The following TMEM38B variants were observed in gnomAD, a reference collection of about 807,000 sequenced individuals.
The protein encoded by TMEM38B is transmembrane protein 38B, also known as trimeric intracellular cation channel type B.
A neutral mutation model predicts 28.7 loss-of-function variants in TMEM38B; 24 were observed. The observed-to-expected ratio is 0.84, with a 90% CI of 0.61 to 1.18. The LOEUF is 1.18. Ranked by LOEUF, TMEM38B falls within the 50% of genes most tolerant of loss-of-function variation. TMEM38B has a pLI of 0.00. For synonymous variants in TMEM38B, 131 were observed against 127.7 expected, an observed-to-expected ratio of 1.03 and a Z score of -0.17; for missense variants, 380 against 350.9, an observed-to-expected ratio of 1.08 and a Z score of -0.66.
intron 1 of TMEM38B, among the ~76,000 whole-genome samples, chr9:105,695,326 T>G (rs1005003522): frequency 1.3e-5 from 2 of 152,212 alleles, no homozygotes; most frequent in African/African-American, 4.8e-5. Flanking sequence ...AAAAGCCTCC[T>G]GTAGCCAGAC....
At chr9:105,762,512 G>GT (rs1257153888) in intron 5 of TMEM38B, among the ~76,000 whole-genome samples, 1 of 147,902 alleles carries the variant, frequency 6.8e-6, no homozygotes, top group Non-Finnish European at 1.5e-5. Flanking sequence ...GCGGTGTTTG[G>GT]TTTTTTGTCC....
chr9:105,774,117 TTTC>T lies in TMEM38B; in HGVS notation c.*40_*42del. ...GAGCTCTACAAGGCCAAAAATTTTTTTTCTTATCTACCTGTTATATTGTGCTAA... is the reference window on the plus strand; with the variant it reads ...GAGCTCTACAAGGCCAAAAATTTTTTTTATCTACCTGTTATATTGTGCTAA... On this transcript the variant is annotated 3_prime_UTR_variant, in exon 6 of 6. Transcript: ENST00000374692. 1 of 1,570,574 alleles carries T rather than the reference TTTC, an allele frequency of 6.4e-7. No homozygotes were observed. Among genetic ancestry groups the T allele is most frequent in the East Asian group, 2.3e-5 (1 of 44,256 alleles).
Position 105,764,931 on chromosome 9 carries a change from A to G in TMEM38B, c.661-8934A>G, listed in dbSNP as rs190397325. ...AGACCCCTCAGAAATAACGCCGCAT[A>G]TGTACAACTGTCTGATCTTTGACAA... On this transcript the variant is annotated intron_variant, in intron 5 of 5. Transcript: ENST00000374692. 3.5e-4 allele frequency among the ~76,000 whole-genome samples: 54 copies of G among 152,320 alleles called. No homozygotes were observed. The East Asian group carries it at 5.8e-3, about 16-fold the overall frequency.
At position 105,694,739 on chromosome 9, in the gene TMEM38B, C is replaced by G. The variant is rs11542697; in HGVS notation, c.79C>G (p.Leu27Val). 1.6e-5 allele frequency: 26 copies of G among 1,611,422 alleles called. No individual in the cohort carries two copies. Among genetic ancestry groups the G allele is most frequent in the Non-Finnish European group, 2.0e-5 (23 of 1,178,678 alleles). ...MFPFFDIAHY[L>V]VSVMAVKRQP... is the part of the protein sequence containing the mutation. ...TCCCTTTTTTGACATCGCGCACTAT[C>G]TAGTGTCAGTGATGGCGGTGAAACG... The change falls in exon 1 of 6, where the codon CTA becomes GTA. Residue 27 changes from leucine (L) to valine (V), a missense_variant. Transcript: ENST00000374692.
rs1826718070 is a variant in TMEM38B, at chr9:105,776,293, T to C, written c.*2213T>C. 6.6e-6 allele frequency: 1 copy of C among 152,066 alleles called. No individual in the cohort carries two copies. Among genetic ancestry groups the C allele is most frequent in the Admixed American group, 6.6e-5 (1 of 15,250 alleles). 9.4% of individuals were successfully genotyped at this position (152,066 alleles called of 1,614,324 possible). ...CATGGCCAAATGAATATCAAACTGG[T>C]TTATCAGATTAGTCACTCTTCCTTA... On this transcript the variant is annotated 3_prime_UTR_variant, in exon 6 of 6. Transcript: ENST00000374692.
rs532684636 is a variant in TMEM38B at position 105,758,088 on chromosome 9, G to A, written c.660+9898G>A. The A allele has an allele frequency of 1.8e-5, 7 of 391,410 alleles. No homozygotes were observed. In the East Asian group the frequency reaches 2.3e-4, roughly 13 times the overall value. 24.2% of individuals were successfully genotyped at this position (391,410 alleles called of 1,614,324 possible). On this transcript the variant is annotated intron_variant, in intron 5 of 5. Coordinates refer to ENST00000374692, the MANE Select transcript of TMEM38B (RefSeq NM_018112.3). ...GCGGCAGGGCCAGTGGTTGTGCTGA[G>A]ACTCGCCACTGCCCAGGCCGCTGGG...
rs540997711 is a variant in TMEM38B, at chr9:105,744,178, A to G, written c.543-3895A>G. On this transcript the variant is annotated intron_variant, in intron 4 of 5. Transcript: ENST00000374692. ...TTCGTATGTAAAATATAATTTATAT[A>G]TAAAATCATAAATTAACAAGAAAAA... Among the ~76,000 whole-genome samples the G allele has an allele frequency of 9.2e-5, 14 of 152,204 alleles. No individual in the cohort carries two copies. In the East Asian group the frequency reaches 1.9e-3, roughly 21 times the overall value.
At position 105,707,735 on chromosome 9, in the gene TMEM38B, A is replaced by G. The variant is rs547408301; in HGVS notation, c.269+1982A>G. ...AATTGAGGCATAGGGAAATGCTGCT[A>G]TAACTTTCTTGTCTAGTAAGTGGTT... On this transcript the variant is annotated intron_variant, in intron 2 of 5. Coordinates refer to ENST00000374692, the MANE Select transcript of TMEM38B (RefSeq NM_018112.3). Among the ~76,000 whole-genome samples, 18 of 152,334 alleles carry G rather than the reference A, an allele frequency of 1.2e-4. 1 individual carries two copies. Among genetic ancestry groups the G allele is most frequent in the African/African-American group, 2.9e-4 (12 of 41,594 alleles).
At chr9:105,756,867 G>A (rs989842037) in intron 5 of TMEM38B, among the ~76,000 whole-genome samples, 1 of 151,976 alleles carries the variant, frequency 6.6e-6, no homozygotes, top group African/African-American at 2.4e-5. Context: ...AGATTTTACT[G>A]ATACTGATAA....
chr9:105,727,395 C>T lies in TMEM38B; in HGVS notation c.542+4774C>T, dbSNP rs377262572. ...CATGTTGTAGCAAATGGCAAGATCT[C>T]CCTTTATAAGGCTAAATAGTATTCC... is the stretch of plus-strand genomic sequence containing the variant. On this transcript the variant is annotated intron_variant, in intron 4 of 5. Coordinates refer to ENST00000374692, the MANE Select transcript of TMEM38B (RefSeq NM_018112.3). Among the ~76,000 whole-genome samples, 12 of 152,148 alleles carry T rather than the reference C, an allele frequency of 7.9e-5. No homozygotes were observed. In the East Asian group the frequency reaches 1.3e-3, roughly 17 times the overall value.
At chr9:105,729,709 A>C (rs984248346) in intron 4 of TMEM38B, among the ~76,000 whole-genome samples, 1 of 152,268 alleles carries the variant, frequency 6.6e-6, no homozygotes. Flanking sequence ...CTTCCTACCC[A>C]TGAGCAAGGA....
intron 5 of TMEM38B, among the ~76,000 whole-genome samples, chr9:105,762,573 C>A (rs578255693): frequency 0.032 from 4,596 of 144,648 alleles, 179 homozygotes; most frequent in African/African-American, 0.096. Context: ...CATGTCCCTA[C>A]AAAGGACATG....
intron 5 of TMEM38B, among the ~76,000 whole-genome samples, chr9:105,766,190 C>T (rs938497134): frequency 2.3e-4 from 35 of 152,282 alleles, no homozygotes; most frequent in Middle Eastern, 3.4e-3. Flanking sequence ...AACTGCCACA[C>T]TATTTTTCAA....
intron 5 of TMEM38B, chr9:105,748,977 C>A: frequency 9.8e-7 from 1 of 1,020,686 alleles, no homozygotes; most frequent in Non-Finnish European, 1.3e-6. Flanking sequence ...TGGCTAAAAA[C>A]TTATCTACAG....
intron 4 of TMEM38B, 110 bp from the exon 5 acceptor site, chr9:105,747,963 T>G (rs1837488492): frequency 1.4e-6 from 1 of 690,460 alleles, no homozygotes; most frequent in Non-Finnish European, 2.5e-6. Context: ...CATTTTTGCA[T>G]TACATCTATT....
intron 4 of TMEM38B, among the ~76,000 whole-genome samples, chr9:105,733,062 C>G (rs1405501030): frequency 1.3e-5 from 2 of 152,112 alleles, no homozygotes; most frequent in Non-Finnish European, 2.9e-5. Context: ...GTTTCTTAAT[C>G]CTGAGTTCCA....
chr9:105,746,550 C>G (rs1266764135), intron 4 of TMEM38B, among the ~76,000 whole-genome samples: 1 of 152,154 alleles, frequency 6.6e-6, no homozygotes, highest in East Asian at 1.9e-4. Flanking sequence ...TCCTCTTTTC[C>G]TAACTGAATA....
chr9:105,765,299 C>T (rs1826332719), intron 5 of TMEM38B, among the ~76,000 whole-genome samples: 1 of 152,068 alleles, frequency 6.6e-6, no homozygotes, highest in Non-Finnish European at 1.5e-5. Context: ...AAATGAGCTC[C>T]TTTAAAAATT....
At chr9:105,738,715 C>CTTTTTT (rs71489351) in intron 4 of TMEM38B, among the ~76,000 whole-genome samples, 2,436 of 109,604 alleles carry the variant, frequency 0.022, 201 homozygotes, top group African/African-American at 0.075. Context: ...TAATTTTTTC[C>CTTTTTT]TTTTTTTTTT....
Sources: gnomAD v4.1 joint callset for allele counts (sites outside exome capture counted in the v4.1 genomes callset) on GRCh38, gnomAD v4.1.1 for gene constraint, MANE v1.5 for transcripts, NCBI Gene and HGNC (gene_info 2026-07-23, HGNC 2026-07-21) for gene names.